Variants in EBI3 observed in about 807,000 individuals in gnomAD.
EBI3 encodes the protein interleukin-27 subunit beta.
Under a neutral mutation model 21.3 loss-of-function variants are expected in EBI3, and 19 were observed. The observed-to-expected ratio is 0.89, with a 90% CI of 0.62 to 1.31. The LOEUF (loss-of-function observed/expected upper bound fraction) is 1.31, where lower values mean the gene tolerates loss of function less well. Among genes scored for constraint, EBI3 ranks in the 50% most tolerant of loss-of-function variants. The pLI, the probability that EBI3 is intolerant of heterozygous loss-of-function variation, is 0.00. For synonymous variants in EBI3, 154 were observed against 131.2 expected, an observed-to-expected ratio of 1.17 and a Z score of -1.19; for missense variants, 331 against 314.0, an observed-to-expected ratio of 1.05 and a Z score of -0.41.
In EBI3 at chr19:4,234,795, A is replaced by AGGG. The variant is rs773358489; in HGVS notation, c.508_509insGGG (p.Lys170delinsArgGlu). 5.6e-6 allele frequency: 9 copies of AGGG among 1,614,002 alleles called. No individual in the cohort carries two copies. The highest frequency in any genetic ancestry group is 7.6e-6 in the Non-Finnish European group (9 of 1,179,982). On this transcript the variant is annotated protein_altering_variant, in exon 4 of 5. Transcript: ENST00000221847. ...CTCACTGAAGTACTGGATCCGTTACAAGCGTCAGGGAGCTGCGCGCTTCCA... is the reference window on the plus strand; with the variant it reads ...CTCACTGAAGTACTGGATCCGTTACAGGGAGCGTCAGGGAGCTGCGCGCTTCCA...
In EBI3 at chr19:4,237,069, C is replaced by A; in HGVS notation, c.671C>A (p.Thr224Lys). 6.4e-7 allele frequency: 1 copy of A among 1,553,424 alleles called. No individual in the cohort carries two copies. The highest frequency in any genetic ancestry group is 8.7e-7 in the Non-Finnish European group (1 of 1,146,300). Reference sequence around the variant, plus strand: ...GACTGGAGTCTCCCCGCCACTGCCACAATGAGCCTGGGCAAGTAGCAAGGG... The same window carrying A: ...GACTGGAGTCTCCCCGCCACTGCCAAAATGAGCCTGGGCAAGTAGCAAGGG... ...LSDWSLPATA[T>K]MSLGK Residue 224 changes from threonine (T) to lysine (K), a missense_variant, in exon 5 of 5, where the codon ACA becomes AAA. Physicochemically the swap from Thr to Lys is moderately conservative, Grantham distance 78. Transcript: ENST00000221847.
At chr19:4,233,432 C>G in intron 3 of EBI3, 125 bp downstream of exon 3, 1 of 1,078,956 alleles carries the variant, frequency 9.3e-7, no homozygotes, top group African/African-American at 1.6e-5. Context: ...AAATCTGACC[C>G]CTTCTTCCCC....
At chr19:4,232,241 A>AAAGAAAAG (rs1568355324) in intron 2 of EBI3, among the ~76,000 whole-genome samples, 2 of 93,488 alleles carry the variant, frequency 2.1e-5, no homozygotes, top group Non-Finnish European at 4.1e-5. Flanking sequence ...AAAAAAAAAA[A>AAAGAAAAG]AAAAGAAAAG....
intron 3 of EBI3, among the ~76,000 whole-genome samples, chr19:4,234,147 C>A (rs145458729): frequency 0.12 from 17,665 of 152,092 alleles, 1,574 homozygotes; most frequent in South Asian, 0.3. Context: ...TGGAGGTTGC[C>A]GTGAGCTGAG....
Position 4,231,326 on chromosome 19 carries a change from C to T in EBI3, c.200+3C>T, listed in dbSNP as rs115664635. 7,065 of 1,602,924 alleles carry T rather than the reference C, an allele frequency of 4.4e-3. 309 individuals carry two copies. The African/African-American group carries it at 0.084, about 19-fold the overall frequency. On this transcript the variant is annotated splice_donor_region_variant and intron_variant, in intron 2 of 4. Transcript: ENST00000221847. ...GTGTCCTTCATTGCCACGTACAGGTCGGAGAGCCTGGAAGGGGGCCTCAGG... is the reference window on the plus strand; with the variant it reads ...GTGTCCTTCATTGCCACGTACAGGTTGGAGAGCCTGGAAGGGGGCCTCAGG...
chr19:4,231,375 C>T, intron 2 of EBI3, 52 bp downstream of exon 2: 1 of 1,543,294 alleles, frequency 6.5e-7, no homozygotes, highest in Non-Finnish European at 8.7e-7. Context: ...CTGGAGAGCC[C>T]AGAACTCTGG....
At chr19:4,231,854 G>A (rs1372912948) in intron 2 of EBI3, among the ~76,000 whole-genome samples, 2 of 152,044 alleles carry the variant, frequency 1.3e-5, no homozygotes, top group African/African-American at 4.8e-5. Flanking sequence ...GCTGATGTGG[G>A]AGGATCACTT....
intron 4 of EBI3, among the ~76,000 whole-genome samples, 177 bp from the exon 5 acceptor site, chr19:4,236,759 C>A (rs1970841869): frequency 6.6e-6 from 1 of 151,968 alleles, no homozygotes; most frequent in Non-Finnish European, 1.5e-5. Flanking sequence ...AGACAGAGGC[C>A]GGGATTGGGA....
At position 4,231,239 on chromosome 19, in the gene EBI3, G is replaced by T. The variant is rs776668675; in HGVS notation, c.116G>T (p.Arg39Leu). The change falls in exon 2 of 5, where the codon CGG becomes CTG. Residue 39 changes from arginine to leucine, a missense_variant. Transcript: ENST00000221847. ...TLPRVQCRASRYPIAVDCSWT... is the reference protein window; with the variant it reads ...TLPRVQCRASLYPIAVDCSWT... ...CCCCGGGTGCAATGCCGAGCCTCTC[G>T]GTACCCGATCGCCGTGGATTGCTCC... 6.2e-7 allele frequency: 1 copy of T among 1,612,138 alleles called. No homozygotes were observed. Among genetic ancestry groups the T allele is most frequent in the Non-Finnish European group, 8.5e-7 (1 of 1,179,472 alleles).
intron 4 of EBI3, among the ~76,000 whole-genome samples, chr19:4,236,701 G>C (rs1970841427): frequency 6.6e-6 from 1 of 152,062 alleles, no homozygotes; most frequent in South Asian, 2.1e-4. Flanking sequence ...ACAGGGGCTA[G>C]TGTGGTCCAG....
rs1970848932 is a variant in EBI3 at position 4,237,230 on chromosome 19, G to A, written c.*142G>A. ...GCTGCTGAGCTGCCGGGCAACCTCA[G>A]ATGACCGACTTTTCCCTTTGAGCCT... On this transcript the variant is annotated 3_prime_UTR_variant, in exon 5 of 5. Coordinates refer to ENST00000221847, the MANE Select transcript of EBI3 (RefSeq NM_005755.3). The A allele has an allele frequency of 2.0e-6, 2 of 1,007,126 alleles. No homozygotes were observed. The highest frequency in any genetic ancestry group is 3.6e-5 in the Admixed American group (1 of 27,652). The allele number at this position is 1,007,126 out of a possible 1,614,324, so 62.4% of individuals were successfully genotyped here. A position where few individuals can be genotyped will look rare whatever the true frequency, so the allele number is the denominator to read the frequency against.
Position 4,232,550 on chromosome 19 carries a change from C to CG in EBI3, c.201-579_201-578insG, listed in dbSNP as rs200138074. On this transcript the variant is annotated intron_variant, in intron 2 of 4. Coordinates refer to ENST00000221847, the MANE Select transcript of EBI3 (RefSeq NM_005755.3). ...CTGGGCAACATACTGAGACCCCCCC[C>CG]CATCTGTAGAAAAAAAATTTAAAAT... 1.2e-3 allele frequency among the ~76,000 whole-genome samples: 170 copies of CG among 143,014 alleles called. No homozygotes were observed. In the East Asian group the frequency reaches 0.023, roughly 20 times the overall value. The allele number at this position is 143,014 out of a possible 152,430, so 93.8% of individuals were successfully genotyped here.
chr19:4,234,938 T>C (rs1970824144), intron 4 of EBI3, 114 bp downstream of exon 4: 7 of 1,460,350 alleles, frequency 4.8e-6, no homozygotes, highest in South Asian at 4.0e-5. Context: ...TCCGGGTGCA[T>C]TGAATAAGAG....
Position 4,229,585 on chromosome 19 carries a change from G to A in EBI3, c.35G>A (p.Trp12Ter). 3 of 1,610,896 alleles carry A rather than the reference G, an allele frequency of 1.9e-6. No homozygotes were observed. The highest frequency in any genetic ancestry group is 2.5e-6 in the Non-Finnish European group (3 of 1,178,860). ...TPQLLLALVL[W>*]ASCPPCSGRK... ...CAGCTTCTCCTGGCCCTTGTCCTCT[G>A]GGCCAGCTGCCCGCCCTGCAGTGGA... is the stretch of plus-strand genomic sequence containing the variant. Residue 12 changes from tryptophan (W) to a stop codon, truncating the protein, a stop_gained, in exon 1 of 5, where the codon TGG (tryptophan) becomes TAG (stop). Transcript: ENST00000221847. LOFTEE classifies it high-confidence loss of function.
Position 4,233,104 on chromosome 19 carries a change from G to A in EBI3, c.201-25G>A, listed in dbSNP as rs199618574. On this transcript the variant is annotated intron_variant, in intron 2 of 4. Coordinates refer to ENST00000221847, the MANE Select transcript of EBI3 (RefSeq NM_005755.3). ...TGAGGCCACAGGCACTCCCTGAGGCGCTCAGCGAGCCCCACCCTGTGCAGG... is the reference window on the plus strand; with the variant it reads ...TGAGGCCACAGGCACTCCCTGAGGCACTCAGCGAGCCCCACCCTGTGCAGG... 3.1e-3 allele frequency: 4,720 copies of A among 1,543,802 alleles called. 16 individuals carry two copies. The highest frequency in any genetic ancestry group is 3.3e-3 in the Non-Finnish European group (3,832 of 1,153,324).
At chr19:4,234,408 C>T (rs1970817925) in intron 3 of EBI3, among the ~76,000 whole-genome samples, 1 of 152,002 alleles carries the variant, frequency 6.6e-6, no homozygotes, top group Non-Finnish European at 1.5e-5. Flanking sequence ...CACAGTTTCT[C>T]AATAAATATT....
chr19:4,236,543 A>AAAAAG (rs869283945), intron 4 of EBI3, among the ~76,000 whole-genome samples: 87 of 149,656 alleles, frequency 5.8e-4, no homozygotes, highest in Non-Finnish European at 1.1e-3. Flanking sequence ...AAAAAAAAAA[A>AAAAAG]GCATGGTTAA....
chr19:4,232,763 TGAAG>T (rs1270459158), intron 2 of EBI3, among the ~76,000 whole-genome samples: 1 of 35,898 alleles, frequency 2.8e-5, no homozygotes, highest in African/African-American at 3.4e-4. Context: ...AATGAATGAA[TGAAG>T]GAATGAATTA....
chr19:4,236,518 C>CAAAAAAAAAAAAA lies in EBI3; in HGVS notation c.538-405_538-393dup, dbSNP rs4009634. On this transcript the variant is annotated intron_variant, in intron 4 of 4. Coordinates refer to ENST00000221847, the MANE Select transcript of EBI3 (RefSeq NM_005755.3). The stretch of plus-strand genomic sequence containing the variant: ...CCTGGGCAACAGAGTAAGACTGTCT[C>CAAAAAAAAAAAAA]AAAAAAAAAAAAAAAAAAAAAAAAA... Among the ~76,000 whole-genome samples, 88 of 30,508 alleles carry CAAAAAAAAAAAAA rather than the reference C, an allele frequency of 2.9e-3. 27 individuals carry two copies. Among genetic ancestry groups the CAAAAAAAAAAAAA allele is most frequent in the African/African-American group, 0.012 (78 of 6,720 alleles). The allele number at this position is 30,508 out of a possible 152,430, so 20.0% of individuals were successfully genotyped here.
Sources: allele counts gnomAD v4.1 joint callset (sites outside exome capture counted in the v4.1 genomes callset), GRCh38; gene constraint gnomAD v4.1.1; transcripts MANE v1.5; gene names NCBI Gene and HGNC (gene_info 2026-07-23, HGNC 2026-07-21).